Variants in RSRP1 observed in about 807,000 individuals in gnomAD.
The protein encoded by RSRP1 is arginine and serine rich protein 1.
In RSRP1, 37 loss-of-function variants were observed where a neutral mutation model predicts 33.0. The observed-to-expected ratio is 1.12, with a 90% CI of 0.86 to 1.48. RSRP1 has a LOEUF of 1.48. Among genes scored for constraint, RSRP1 ranks in the 40% most tolerant of loss-of-function variants. The pLI, the probability that RSRP1 is intolerant of heterozygous loss-of-function variation, is 0.00. For synonymous variants in RSRP1, 167 were observed against 158.7 expected (o/e 1.05, Z -0.40); for missense variants, 402 against 385.3 (o/e 1.04, Z -0.36).
Position 25,246,754 on chromosome 1 carries a change from G to C in RSRP1, c.210C>G (p.His70Gln). 4.3e-6 allele frequency: 7 copies of C among 1,609,238 alleles called. No individual in the cohort carries two copies. The highest frequency in any genetic ancestry group is 5.9e-6 in the Non-Finnish European group (7 of 1,176,472). Residue 70 changes from histidine to glutamine, a missense_variant, in exon 2 of 5, where the codon CAC becomes CAG. Transcript: ENST00000243189. ...SKSRSRSRRRHQRKYRRYSRS... is the reference protein window; with the variant it reads ...SKSRSRSRRRQQRKYRRYSRS... ...GCGAGTAGCGCCTGTACTTCCGCTG[G>C]TGGCGCCTTCGGGAACGGGACCTGG...
Position 25,283,434 on chromosome 1 carries a change from G to T in RSRP1, c.-66-36405C>A, listed in dbSNP as rs1165412726. ...TAATCCCAGCTACTTGGGAGGCTGA[G>T]GCAGGAGAATCACTTGAACCCAGGA... On this transcript the variant is annotated intron_variant, in intron 1 of 1. Coordinates refer to the RSRP1 transcript ENST00000561867. Among the ~76,000 whole-genome samples, 84 of 130,102 alleles carry T rather than the reference G, an allele frequency of 6.5e-4. 11 individuals are homozygous for T. Among genetic ancestry groups the T allele is most frequent in the African/African-American group, 1.5e-3 (58 of 38,234 alleles). 85.4% of individuals were successfully genotyped at this position (130,102 alleles called of 152,430 possible).
Position 25,243,575 on chromosome 1 carries a change from T to TG in RSRP1, c.730dup (p.Gln244ProfsTer7). 3 of 1,613,902 alleles carry TG rather than the reference T, an allele frequency of 1.9e-6. No individual in the cohort carries two copies. Among genetic ancestry groups the TG allele is most frequent in the Middle Eastern group, 3.3e-4 (2 of 6,058 alleles). ...ATTAGAGCTAAAAGCTATGCTTCTT[T>TG]GCTGGGTAGGTTTTTCATTGGGATT... On this transcript the variant is annotated frameshift_variant, in exon 4 of 5. Transcript: ENST00000243189. LOFTEE classifies it high-confidence loss of function.
At chr1:25,334,451 A>G (rs149417053) in intron 1 of RSRP1, among the ~76,000 whole-genome samples, 1,409 of 129,278 alleles carry the variant, frequency 0.011, 90 homozygotes, top group African/African-American at 0.03. Context: ...AGTGTCTGCA[A>G]CTTTTCCAGG....
At chr1:25,261,404 T>C (rs1640142448) in intron 1 of RSRP1, among the ~76,000 whole-genome samples, 1 of 151,864 alleles carries the variant, frequency 6.6e-6, no homozygotes, top group African/African-American at 2.4e-5. Context: ...TGTGATTTCT[T>C]TCTTTTTTTT....
chr1:25,260,940 T>C (rs1640117670), intron 1 of RSRP1, among the ~76,000 whole-genome samples: 1 of 152,058 alleles, frequency 6.6e-6, no homozygotes. Flanking sequence ...TAGCTGGGAC[T>C]ACAGGTGCCC....
intron 1 of RSRP1, among the ~76,000 whole-genome samples, chr1:25,254,842 A>AT (rs755152439): frequency 1.3e-5 from 2 of 152,222 alleles, no homozygotes; most frequent in African/African-American, 2.4e-5. Flanking sequence ...ATTATTCTTG[A>AT]TAAGTCATAC....
At chr1:25,273,860 T>C (rs1640708625) in intron 1 of RSRP1, among the ~76,000 whole-genome samples, 1 of 129,248 alleles carries the variant, frequency 7.7e-6, no homozygotes, top group Admixed American at 7.5e-5. Context: ...GCTAGTTAAC[T>C]GGAAGCAAAG....
chr1:25,262,668 G>A (rs1640196052), intron 1 of RSRP1, among the ~76,000 whole-genome samples: 1 of 152,252 alleles, frequency 6.6e-6, no homozygotes, highest in South Asian at 2.1e-4. Context: ...ATAATTCTTA[G>A]CCCAAAGGCC....
In RSRP1 at chr1:25,246,910, C is replaced by T. The variant is rs781465447; in HGVS notation, c.54G>A (p.Ser18=). Residue 18 remains serine, a synonymous_variant, in exon 2 of 5, where the codon TCG becomes TCA. Coordinates refer to ENST00000243189, the MANE Select transcript of RSRP1 (RefSeq NM_020317.5). The part of the protein sequence containing the change: ...MWPGSPQEKD[S]PSTSRSGGSS... ...ACCCGCCCGACCGCGAGGTCGAGGG[C>T]GAATCCTTCTCCTGCGGCGAGCCCG... 17 of 1,600,248 alleles carry T rather than the reference C, an allele frequency of 1.1e-5. No individual in the cohort carries two copies. The African/African-American group carries it at 1.5e-4, about 14-fold the overall frequency.
intron 1 of RSRP1, among the ~76,000 whole-genome samples, chr1:25,258,628 G>T (rs1029003957): frequency 6.6e-6 from 1 of 151,994 alleles, no homozygotes; most frequent in Admixed American, 6.6e-5. Flanking sequence ...CTCTCAGTAG[G>T]TTCAAAACCA....
intron 1 of RSRP1, among the ~76,000 whole-genome samples, chr1:25,257,980 T>C (rs1640001162): frequency 1.3e-5 from 2 of 152,076 alleles, no homozygotes; most frequent in African/African-American, 4.8e-5. Context: ...AGCAGCAGGA[T>C]CCTCATTCAT....
Position 25,270,348 on chromosome 1 carries a change from C to A in RSRP1, c.-66-23319G>T, listed in dbSNP as rs1640454102. On this transcript the variant is annotated intron_variant, in intron 1 of 1. Coordinates refer to the RSRP1 transcript ENST00000561867. ...CCCCAGGCTGTGGCCCGTTAGGAAC[C>A]TGACCGCACAGCATGAGGGATAGGC... Among the ~76,000 whole-genome samples, 3 of 130,284 alleles carry A rather than the reference C, an allele frequency of 2.3e-5. 1 individual carries two copies. Among genetic ancestry groups the A allele is most frequent in the Non-Finnish European group, 5.4e-5 (3 of 55,358 alleles). 85.5% of individuals were successfully genotyped at this position (130,284 alleles called of 152,430 possible).
intron 1 of RSRP1, among the ~76,000 whole-genome samples, chr1:25,295,852 T>TTTTTTG (rs1557534424): frequency 2.6e-5 from 1 of 37,924 alleles, no homozygotes. Flanking sequence ...TATGGGAAAT[T>TTTTTTG]TTTTTTTTTT....
chr1:25,337,058 G>T, intron 1 of RSRP1: 1 of 170,154 alleles, frequency 5.9e-6, no homozygotes. Context: ...CTGAAGTGAA[G>T]GGGGGTTCTG....
At chr1:25,281,659 C>T (rs1396694118) in intron 1 of RSRP1, among the ~76,000 whole-genome samples, 1 of 130,904 alleles carries the variant, frequency 7.6e-6, no homozygotes, top group African/African-American at 2.6e-5. Flanking sequence ...CCACACACCC[C>T]CATTCCTAAG....
At chr1:25,286,302 AAC>A (rs1641986717) in intron 1 of RSRP1, among the ~76,000 whole-genome samples, 1 of 135,372 alleles carries the variant, frequency 7.4e-6, no homozygotes, top group African/African-American at 2.5e-5. Context: ...CAGCCTGACT[AAC>A]ACAGTGAGAT....
intron 1 of RSRP1, among the ~76,000 whole-genome samples, chr1:25,330,981 T>G (rs1319469649): frequency 4.6e-5 from 3 of 64,846 alleles, no homozygotes; most frequent in Non-Finnish European, 1.1e-4. Context: ...TTTTTTTTTT[T>G]GAGACAGAGT....
chr1:25,254,434 T>TTTTTGTTTTGTTTTG (rs75396535), intron 1 of RSRP1, among the ~76,000 whole-genome samples: 2,013 of 150,926 alleles, frequency 0.013, 39 homozygotes, highest in African/African-American at 0.043. Context: ...TATGAATAGG[T>TTTTTGTTTTGTTTTG]TTTTGTTTTG....
At position 25,323,539 on chromosome 1, in the gene RSRP1, G is replaced by C. The variant is rs1275379003; in HGVS notation, c.-67+14439C>G. On this transcript the variant is annotated intron_variant, in intron 1 of 1. Transcript: ENST00000561867. ...AGTGGCACCATCATGGCTCACTGTA[G>C]CCTCAACCTCCCCAGGCTCAGGAGA... Among the ~76,000 whole-genome samples the C allele has an allele frequency of 3.1e-5, 4 of 127,132 alleles. 1 individual carries two copies. Among genetic ancestry groups the C allele is most frequent in the Non-Finnish European group, 1.8e-5 (1 of 54,380 alleles). The allele number at this position is 127,132 out of a possible 152,430, so 83.4% of individuals were successfully genotyped here. A position where few individuals can be genotyped will look rare whatever the true frequency, so the allele number is the denominator to read the frequency against.
Sources: gnomAD v4.1 joint callset for allele counts (sites outside exome capture counted in the v4.1 genomes callset) on GRCh38, gnomAD v4.1.1 for gene constraint, MANE v1.5 for transcripts, NCBI Gene and HGNC (gene_info 2026-07-23, HGNC 2026-07-21) for gene names.